PREX2: variants seen among roughly 807,000 people sequenced by gnomAD.
PREX2 encodes phosphatidylinositol 3,4,5-trisphosphate-dependent Rac exchanger 2 protein.
PREX2 carries 107 observed loss-of-function variants against 203.2 expected under a neutral mutation model. The ratio of observed to expected loss-of-function variants is 0.53; its 90% CI spans 0.45 to 0.62. The LOEUF (loss-of-function observed/expected upper bound fraction) is 0.62, where lower values mean the gene tolerates loss of function less well. Ranked by LOEUF, PREX2 falls within the 20% of genes least tolerant of loss-of-function variation. PREX2 has a pLI of 0.00. For missense variants in PREX2, 1,777 were observed against 1,955.9 expected, an observed-to-expected ratio of 0.91 and a Z score of 1.72; for synonymous variants, 672 against 663.6, an observed-to-expected ratio of 1.01 and a Z score of -0.19.
chr8:68,062,062 A>G (rs1384189755), intron 11 of PREX2, among the ~76,000 whole-genome samples: 1 of 152,150 alleles, frequency 6.6e-6, no homozygotes, highest in Non-Finnish European at 1.5e-5. Context: ...ATCTTTTCTT[A>G]TCACACTGGG....
intron 31 of PREX2, 41 bp from the exon 32 acceptor site, chr8:68,134,018 A>C: frequency 6.5e-7 from 1 of 1,537,930 alleles, no homozygotes; most frequent in Non-Finnish European, 9.0e-7. Context: ...CACCATCTGC[A>C]ACATTTTTCG....
At chr8:68,208,014 T>G (rs1209707731) in intron 37 of PREX2, among the ~76,000 whole-genome samples, 2 of 152,056 alleles carry the variant, frequency 1.3e-5, no homozygotes. Flanking sequence ...GATCTTGTAT[T>G]TCATGTGAAG....
chr8:68,163,984 G>A (rs1477639412), intron 35 of PREX2, among the ~76,000 whole-genome samples: 1 of 152,104 alleles, frequency 6.6e-6, no homozygotes, highest in Admixed American at 6.6e-5. Flanking sequence ...GAAAGCCAAC[G>A]AGATCAGGTA....
intron 23 of PREX2, among the ~76,000 whole-genome samples, chr8:68,102,459 A>G (rs1290248711): frequency 6.6e-6 from 1 of 152,246 alleles, no homozygotes; most frequent in African/African-American, 2.4e-5. Flanking sequence ...GGATCTTTTC[A>G]ATTTGAATAA....
In PREX2 at chr8:68,222,542, G is replaced by C. The variant is rs536373821; in HGVS notation, c.4708-2017G>C. Among the ~76,000 whole-genome samples the C allele has an allele frequency of 3.9e-5, 6 of 152,000 alleles. No homozygotes were observed. The South Asian group carries it at 1.2e-3, about 32-fold the overall frequency. On this transcript the variant is annotated intron_variant, in intron 38 of 39. Coordinates refer to ENST00000288368, the MANE Select transcript of PREX2 (RefSeq NM_024870.4). ...ATACTTGAATAAATAAATAATTTGG[G>C]GAGAAGAGATTACTCTTTTTAACAG...
rs74929944 is a variant in PREX2 at position 68,014,491 on chromosome 8, A to G, written c.142-3355A>G. 2.0e-4 allele frequency among the ~76,000 whole-genome samples: 31 copies of G among 152,206 alleles called. No individual in the cohort carries two copies. In the East Asian group the frequency reaches 5.2e-3, roughly 26 times the overall value. On this transcript the variant is annotated intron_variant, in intron 1 of 39. Transcript: ENST00000288368. Reference sequence around the variant, plus strand: ...GAGAGCCTCACTTCCTCTGAATGCAACTTAGCCTGTCTTTGACTCACCTGT... The same window carrying G: ...GAGAGCCTCACTTCCTCTGAATGCAGCTTAGCCTGTCTTTGACTCACCTGT...
chr8:68,205,499 G>A (rs754406404), intron 37 of PREX2, among the ~76,000 whole-genome samples: 5 of 152,168 alleles, frequency 3.3e-5, no homozygotes, highest in Non-Finnish European at 5.9e-5. Context: ...AGGCTTTTCC[G>A]TATTTATTTT....
chr8:67,999,650 A>G (rs1430872805), intron 1 of PREX2, among the ~76,000 whole-genome samples: 1 of 152,102 alleles, frequency 6.6e-6, no homozygotes, highest in East Asian at 1.9e-4. Flanking sequence ...AACCTGGCAG[A>G]GAGACAACAA....
intron 14 of PREX2, among the ~76,000 whole-genome samples, chr8:68,073,583 C>T (rs538628828): frequency 6.6e-6 from 1 of 152,170 alleles, no homozygotes; most frequent in South Asian, 2.1e-4. Context: ...TTTCATAGCA[C>T]TTACATTTAT....
chr8:68,212,100 T>G (rs1006074942), intron 37 of PREX2, among the ~76,000 whole-genome samples: 57 of 152,134 alleles, frequency 3.7e-4, no homozygotes, highest in Admixed American at 9.8e-4. Flanking sequence ...CCAGGCTGTT[T>G]CTCCACCCTC....
At chr8:68,010,786 T>G (rs1807236812) in intron 1 of PREX2, among the ~76,000 whole-genome samples, 1 of 152,162 alleles carries the variant, frequency 6.6e-6, no homozygotes, top group South Asian at 2.1e-4. Flanking sequence ...AGGAAGGTGG[T>G]GGGTTAATTT....
rs767936306 is a variant in PREX2 at position 68,134,304 on chromosome 8, CTG to C, written c.3984+32_3984+33del. 16 of 1,512,842 alleles carry C rather than the reference CTG, an allele frequency of 1.1e-5. No individual in the cohort carries two copies. In the Middle Eastern group the frequency reaches 5.6e-4, roughly 53 times the overall value. The allele number at this position is 1,512,842 out of a possible 1,614,324, so 93.7% of individuals were successfully genotyped here. On this transcript the variant is annotated intron_variant, in intron 32 of 39. Transcript: ENST00000288368. The stretch of plus-strand genomic sequence containing the variant: ...AAGGAAATCACATGACTCCCACTGT[CTG>C]TGTCAACTGTAACCTGCACTGTAAC...
Position 68,232,234 on chromosome 8 carries a change from G to A in PREX2, c.*856G>A, listed in dbSNP as rs891553310. 2.0e-5 allele frequency: 3 copies of A among 152,128 alleles called. No individual in the cohort carries two copies. The highest frequency in any genetic ancestry group is 7.2e-5 in the African/African-American group (3 of 41,428). 9.4% of individuals were successfully genotyped at this position (152,128 alleles called of 1,614,324 possible). ...ATTTTAAAACTAAACCTTTAAGTTA[G>A]ATACCTAAAACTCTTAATTTTATGA... is the stretch of plus-strand genomic sequence containing the variant. On this transcript the variant is annotated 3_prime_UTR_variant, in exon 40 of 40. Transcript: ENST00000288368.
chr8:68,191,286 A>G (rs992140029), intron 35 of PREX2, among the ~76,000 whole-genome samples: 5 of 152,228 alleles, frequency 3.3e-5, no homozygotes, highest in Admixed American at 6.5e-5. Context: ...ACAATAAATG[A>G]AAATTGGATA....
intron 10 of PREX2, among the ~76,000 whole-genome samples, chr8:68,058,380 T>A (rs927026381): frequency 3.3e-5 from 5 of 152,150 alleles, no homozygotes; most frequent in Non-Finnish European, 7.4e-5. Context: ...GGCCCCGTGC[T>A]GAGTTCCTGA....
At chr8:68,091,184 G>A (rs1319035142) in intron 20 of PREX2, among the ~76,000 whole-genome samples, 1 of 152,090 alleles carries the variant, frequency 6.6e-6, no homozygotes, top group African/African-American at 2.4e-5. Context: ...TTAGGTAACT[G>A]GATTTAGCTC....
Position 67,952,231 on chromosome 8 carries a change from T to C in PREX2, c.-164T>C. 1 of 526,740 alleles carries C rather than the reference T, an allele frequency of 1.9e-6. No individual in the cohort carries two copies. Among genetic ancestry groups the C allele is most frequent in the South Asian group, 7.2e-5 (1 of 13,862 alleles). 32.6% of individuals were successfully genotyped at this position (526,740 alleles called of 1,614,324 possible). Reference sequence around the variant, plus strand: ...GGGATTTCAGCCCGATCCCCTCCTCTCCCTGCGCCCAGCCTCTCCCCAGCA... The same window carrying C: ...GGGATTTCAGCCCGATCCCCTCCTCCCCCTGCGCCCAGCCTCTCCCCAGCA... On this transcript the variant is annotated 5_prime_UTR_variant, in exon 1 of 40. Transcript: ENST00000288368.
chr8:68,224,868 G>A (rs761586682), intron 39 of PREX2, among the ~76,000 whole-genome samples: 12 of 152,044 alleles, frequency 7.9e-5, no homozygotes, highest in Non-Finnish European at 1.5e-4. Flanking sequence ...GCTCACACAG[G>A]CACTACTAAA....
intron 23 of PREX2, chr8:68,105,772 G>T (rs1317183864): frequency 1.1e-5 from 2 of 176,800 alleles, no homozygotes; most frequent in Admixed American, 7.0e-5. Flanking sequence ...TATATAAAAT[G>T]GTGGTCCCAT....
Sources: gnomAD v4.1 joint callset for allele counts (sites outside exome capture counted in the v4.1 genomes callset) on GRCh38, gnomAD v4.1.1 for gene constraint, MANE v1.5 for transcripts, NCBI Gene and HGNC (gene_info 2026-07-23, HGNC 2026-07-21) for gene names.